S100PBP: variants seen among roughly 807,000 people sequenced by gnomAD.
S100PBP encodes the protein S100P-binding protein.
In S100PBP, 15 loss-of-function variants were observed where a neutral mutation model predicts 39.9. The ratio of observed to expected loss-of-function variants is 0.38; its 90% CI spans 0.25 to 0.58. The LOEUF (loss-of-function observed/expected upper bound fraction) is 0.58. Among genes scored for constraint, S100PBP ranks in the 20% least tolerant of loss-of-function variants. S100PBP has a pLI of 0.70. For synonymous variants in S100PBP, 178 were observed against 180.3 expected (o/e 0.99, Z 0.10); for missense variants, 504 against 487.3 (o/e 1.03, Z -0.32).
intron 5 of S100PBP, among the ~76,000 whole-genome samples, chr1:32,845,544 C>CT (rs1372099536): frequency 1.3e-5 from 2 of 152,058 alleles, no homozygotes; most frequent in East Asian, 3.9e-4. Flanking sequence ...CATGCCTGGC[C>CT]TTGTTTTCTA....
At chr1:32,836,590 AGTT>A (rs1453730976) in intron 5 of S100PBP, 2 of 981,704 alleles carry the variant, frequency 2.0e-6, no homozygotes, top group African/African-American at 1.8e-5. Flanking sequence ...ATTTTTGTAG[AGTT>A]GTTAATTGCT....
upstream of S100PBP, chr1:32,817,550 C>A: frequency 1.8e-6 from 1 of 557,352 alleles, no homozygotes. Context: ...GGTTTCCTGC[C>A]AATCACTGCT....
At chr1:32,848,105 G>A (rs1640458177) in intron 5 of S100PBP, among the ~76,000 whole-genome samples, 1 of 152,066 alleles carries the variant, frequency 6.6e-6, no homozygotes, top group South Asian at 2.1e-4. Flanking sequence ...TCAGGAGTTC[G>A]AGACCAGCCT....
At chr1:32,842,236 T>TACACACACACAC (rs1553132298) in intron 5 of S100PBP, among the ~76,000 whole-genome samples, 1 of 80,876 alleles carries the variant, frequency 1.2e-5, no homozygotes, top group Admixed American at 1.6e-4. Context: ...TATATATATA[T>TACACACACACAC]ACACACACAC....
chr1:32,839,949 G>A (rs904983180), intron 5 of S100PBP, among the ~76,000 whole-genome samples: 4 of 151,968 alleles, frequency 2.6e-5, no homozygotes, highest in Admixed American at 2.6e-4. Flanking sequence ...GAGTAGCTGG[G>A]ACTACAGGCT....
intron 5 of S100PBP, among the ~76,000 whole-genome samples, chr1:32,842,236 T>TATATAGACAC (rs372174677): frequency 2.5e-5 from 2 of 80,854 alleles, no homozygotes; most frequent in Admixed American, 3.3e-4. Flanking sequence ...TATATATATA[T>TATATAGACAC]ACACACACAC....
At chr1:32,822,745 T>G (rs1639141273) in intron 1 of S100PBP, among the ~76,000 whole-genome samples, 1 of 152,176 alleles carries the variant, frequency 6.6e-6, no homozygotes, top group African/African-American at 2.4e-5. Context: ...TATACTTTTG[T>G]TCCCAGATCT....
Position 32,853,104 on chromosome 1 carries a change from G to C in S100PBP, c.1050G>C (p.Leu350Phe). ...GTATCTCGGGGGAGCTTTGTGCCTT[G>C]ATGGATCAAGTTCATCATATGCAGC... ...NQGISGELCA[L>F]MDQVHHMQHS... Residue 350 changes from leucine (L) to phenylalanine (F), a missense_variant, in exon 6 of 7, where the codon TTG (leucine) becomes TTC (phenylalanine). Coordinates refer to ENST00000373475, the MANE Select transcript of S100PBP (RefSeq NM_022753.4). 6.2e-7 allele frequency: 1 copy of C among 1,613,324 alleles called. No homozygotes were observed. Among genetic ancestry groups the C allele is most frequent in the Non-Finnish European group, 8.5e-7 (1 of 1,179,802 alleles).
chr1:32,840,599 C>G (rs532045222), intron 5 of S100PBP, among the ~76,000 whole-genome samples: 1 of 151,950 alleles, frequency 6.6e-6, no homozygotes, highest in Admixed American at 6.6e-5. Context: ...TCAGGTGATC[C>G]GCCTGCCTCG....
At chr1:32,824,564 TTTTTTTTTTTTC>T (rs1639236204) in intron 1 of S100PBP, among the ~76,000 whole-genome samples, 1 of 143,690 alleles carries the variant, frequency 7.0e-6, no homozygotes, top group South Asian at 2.2e-4. Flanking sequence ...TGTTTGTATC[TTTTTTTTTTTTC>T]TTTTGAGACA....
chr1:32,842,709 C>T (rs1394973327), intron 5 of S100PBP: 1 of 151,948 alleles, frequency 6.6e-6, no homozygotes, highest in Non-Finnish European at 1.5e-5. Flanking sequence ...ATTCTCCTGC[C>T]TCAGTCTCCC....
chr1:32,844,069 A>G (rs1168931351), intron 5 of S100PBP, among the ~76,000 whole-genome samples: 1 of 151,248 alleles, frequency 6.6e-6, no homozygotes, highest in African/African-American at 2.4e-5. Flanking sequence ...GCCTGCCACC[A>G]TGCCTGGCTA....
chr1:32,848,737 T>C (rs1241166495), intron 5 of S100PBP, among the ~76,000 whole-genome samples: 1 of 152,220 alleles, frequency 6.6e-6, no homozygotes, highest in African/African-American at 2.4e-5. Flanking sequence ...ACTTTAAACT[T>C]ACTAAGAACA....
At chr1:32,847,815 T>TA (rs1228116899) in intron 5 of S100PBP, 1 of 152,174 alleles carries the variant, frequency 6.6e-6, no homozygotes, top group East Asian at 1.9e-4. Flanking sequence ...ATGTCCCCTG[T>TA]AGCACATTTT....
At chr1:32,817,749 C>T in intron 1 of S100PBP, 60 bp downstream of exon 1, 1 of 194,112 alleles carries the variant, frequency 5.2e-6, no homozygotes, top group South Asian at 8.1e-5. Context: ...GATGGGGGCG[C>T]CTGTTGCTTC....
rs1351064858 is a variant in S100PBP at position 32,858,337 on chromosome 1, C to T, written c.*2299C>T. ...ACATTTCCTCTTAGCTCAAATAATT[C>T]TGTTTTTCCAAAGCTTTAGCAGCTT... On this transcript the variant is annotated 3_prime_UTR_variant, in exon 7 of 7. Transcript: ENST00000373475. The T allele has an allele frequency of 2.0e-5, 3 of 152,658 alleles. No homozygotes were observed. Among genetic ancestry groups the T allele is most frequent in the Admixed American group, 2.0e-4 (3 of 15,284 alleles). 9.5% of individuals were successfully genotyped at this position (152,658 alleles called of 1,614,324 possible). A position where few individuals can be genotyped will look rare whatever the true frequency, so the allele number is the denominator to read the frequency against.
intron 5 of S100PBP, among the ~76,000 whole-genome samples, chr1:32,832,867 T>C (rs979231405): frequency 6.6e-6 from 1 of 152,182 alleles, no homozygotes; most frequent in Non-Finnish European, 1.5e-5. Flanking sequence ...GGGTTAGTTA[T>C]CTCTTTTCAC....
At chr1:32,829,646 C>A (rs1316467734) in intron 4 of S100PBP, among the ~76,000 whole-genome samples, 5 of 152,016 alleles carry the variant, frequency 3.3e-5, no homozygotes, top group African/African-American at 7.2e-5. Flanking sequence ...AAAAAAATTT[C>A]TTGGGTCTCA....
rs1483819380 is a variant in S100PBP at position 32,817,685 on chromosome 1, C to A, written c.-124C>A. 1 of 218,360 alleles carries A rather than the reference C, an allele frequency of 4.6e-6. No homozygotes were observed. The highest frequency in any genetic ancestry group is 5.2e-5 in the Admixed American group (1 of 19,288). The allele number at this position is 218,360 out of a possible 1,614,324, so 13.5% of individuals were successfully genotyped here. A position where few individuals can be genotyped will look rare whatever the true frequency, so the allele number is the denominator to read the frequency against. The stretch of plus-strand genomic sequence containing the variant: ...TTCGCCCAGGCTTTGGCCCGGCTTC[C>A]GGAGGTGAAGAGCGGGAGGGACGAG... On this transcript the variant is annotated 5_prime_UTR_variant, in exon 1 of 7. Transcript: ENST00000373475.
Sources: gnomAD v4.1 joint callset for allele counts (sites outside exome capture counted in the v4.1 genomes callset) on GRCh38, gnomAD v4.1.1 for gene constraint, MANE v1.5 for transcripts, NCBI Gene and HGNC (gene_info 2026-07-23, HGNC 2026-07-21) for gene names.